Variants in SORCS2 observed in about 807,000 individuals in gnomAD.
The protein encoded by SORCS2 is sortilin related VPS10 domain containing receptor 2.
A neutral mutation model predicts 141.6 loss-of-function variants in SORCS2; 100 were observed. The observed-to-expected ratio is 0.71, with a 90% CI of 0.60 to 0.83. SORCS2 has a LOEUF of 0.83. SORCS2 is among the 40% of genes least tolerant of loss of function. The pLI, the probability that SORCS2 is intolerant of heterozygous loss-of-function variation, is 0.00. For synonymous variants in SORCS2, 789 were observed against 676.9 expected (o/e 1.17, Z -2.57); for missense variants, 1,646 against 1,560.2 (o/e 1.05, Z -0.93).
chr4:7,398,597 A>C (rs891545904), intron 2 of SORCS2, among the ~76,000 whole-genome samples: 9 of 152,120 alleles, frequency 5.9e-5, no homozygotes, highest in African/African-American at 2.2e-4. Context: ...CATCGGAGCA[A>C]TTACTTTCTT....
At chr4:7,362,942 C>T (rs1229266760) in intron 1 of SORCS2, among the ~76,000 whole-genome samples, 2 of 44,906 alleles carry the variant, frequency 4.5e-5, no homozygotes, top group African/African-American at 8.9e-5. Context: ...TTACTACCAA[C>T]ATCACCATCA....
chr4:7,310,495 C>T (rs114771990), intron 1 of SORCS2: 1,813 of 154,336 alleles, frequency 0.012, 40 homozygotes, highest in African/African-American at 0.04. Context: ...TACAAAAGAC[C>T]AACTCACGAA....
intron 1 of SORCS2, among the ~76,000 whole-genome samples, chr4:7,382,575 G>C (rs1723054793): frequency 6.6e-6 from 1 of 152,192 alleles, no homozygotes; most frequent in Non-Finnish European, 1.5e-5. Flanking sequence ...AAAGGGGGTA[G>C]AAAATGATGC....
At chr4:7,261,820 G>A (rs1015240029) in intron 1 of SORCS2, among the ~76,000 whole-genome samples, 1 of 152,178 alleles carries the variant, frequency 6.6e-6, no homozygotes, top group East Asian at 1.9e-4. Flanking sequence ...CTGGGGAAGG[G>A]GCCCTGTGGG....
At chr4:7,298,717 C>T (rs1206981285) in intron 1 of SORCS2, among the ~76,000 whole-genome samples, 4 of 152,178 alleles carry the variant, frequency 2.6e-5, no homozygotes, top group East Asian at 1.9e-4. Flanking sequence ...GTATAGGGAG[C>T]GGGGCTCATG....
intron 1 of SORCS2, among the ~76,000 whole-genome samples, chr4:7,337,437 A>G (rs78970067): frequency 0.01 from 1,554 of 152,274 alleles, 14 homozygotes; most frequent in Non-Finnish European, 0.015. Context: ...GGCGACCTTC[A>G]GACTCATACT....
intron 1 of SORCS2, among the ~76,000 whole-genome samples, chr4:7,247,049 AAG>A (rs1466244459): frequency 6.6e-6 from 1 of 152,174 alleles, no homozygotes; most frequent in Non-Finnish European, 1.5e-5. Context: ...ATAACAAGCC[AAG>A]GTGAGAAGGC....
chr4:7,308,120 G>T (rs912301166), intron 1 of SORCS2, among the ~76,000 whole-genome samples: 1 of 152,170 alleles, frequency 6.6e-6, no homozygotes, highest in Non-Finnish European at 1.5e-5. Context: ...AGTCAGAGGT[G>T]TTGGGAGCCT....
In SORCS2 at chr4:7,303,497, T is replaced by A. The variant is rs533024162; in HGVS notation, c.481-92791T>A. 1.2e-4 allele frequency among the ~76,000 whole-genome samples: 19 copies of A among 152,344 alleles called. No homozygotes were observed. The South Asian group carries it at 3.5e-3, about 28-fold the overall frequency. On this transcript the variant is annotated intron_variant, in intron 1 of 26. Coordinates refer to ENST00000507866, the MANE Select transcript of SORCS2 (RefSeq NM_020777.3). ...TGAACTGACTTCATTTGACATGCAA[T>A]CAAATTCTCCAGGTCAACTCTGGTT...
chr4:7,388,426 G>A (rs1047439111), intron 1 of SORCS2, among the ~76,000 whole-genome samples: 1 of 152,158 alleles, frequency 6.6e-6, no homozygotes, highest in Non-Finnish European at 1.5e-5. Flanking sequence ...TTGAAAGGAG[G>A]AGTCTTCTTT....
At chr4:7,514,477 C>T (rs528564271) in intron 2 of SORCS2, among the ~76,000 whole-genome samples, 8 of 151,816 alleles carry the variant, frequency 5.3e-5, no homozygotes, top group African/African-American at 1.2e-4. Flanking sequence ...TGTCAGGTAG[C>T]GATATGTGCT....
chr4:7,366,922 C>T (rs1238786193), intron 1 of SORCS2, among the ~76,000 whole-genome samples: 2 of 152,218 alleles, frequency 1.3e-5, no homozygotes, highest in Non-Finnish European at 2.9e-5. Flanking sequence ...GTCAGGTGTA[C>T]TGAGTGCCTA....
At chr4:7,403,972 TATATATATATATATATATATATA>T (rs1265433989) in intron 2 of SORCS2, among the ~76,000 whole-genome samples, 2 of 5,006 alleles carry the variant, frequency 4.0e-4, no homozygotes, top group Non-Finnish European at 1.6e-3. Flanking sequence ...TATATATATA[TATATATATATATATATATATATA>T]TATTTTTTTT....
At chr4:7,397,862 C>T (rs535041719) in intron 2 of SORCS2, among the ~76,000 whole-genome samples, 3 of 152,166 alleles carry the variant, frequency 2.0e-5, no homozygotes, top group Non-Finnish European at 4.4e-5. Flanking sequence ...ATGGTCAAGT[C>T]TTCTTCCAGC....
At chr4:7,609,724 C>T (rs992262269) in intron 3 of SORCS2, among the ~76,000 whole-genome samples, 1 of 152,172 alleles carries the variant, frequency 6.6e-6, no homozygotes, top group African/African-American at 2.4e-5. Flanking sequence ...ACTGTTCAAG[C>T]CACCCACCCC....
intron 1 of SORCS2, among the ~76,000 whole-genome samples, chr4:7,274,951 G>A (rs530196312): frequency 9.9e-5 from 15 of 152,260 alleles, no homozygotes; most frequent in African/African-American, 2.2e-4. Flanking sequence ...CACAACACGC[G>A]CTCTGTGGGG....
At chr4:7,488,752 C>T (rs1004101773) in intron 2 of SORCS2, among the ~76,000 whole-genome samples, 2 of 152,232 alleles carry the variant, frequency 1.3e-5, no homozygotes, top group Non-Finnish European at 2.9e-5. Flanking sequence ...GCCCTATTGT[C>T]CGCAGTCAAA....
chr4:7,701,817 C>T (rs988774764), intron 12 of SORCS2, among the ~76,000 whole-genome samples: 2 of 152,172 alleles, frequency 1.3e-5, no homozygotes, highest in African/African-American at 4.8e-5. Context: ...GGAAGACGGG[C>T]GCAGATGCTT....
At chr4:7,267,660 G>A (rs146560426) in intron 1 of SORCS2, among the ~76,000 whole-genome samples, 4,322 of 152,252 alleles carry the variant, frequency 0.028, 209 homozygotes, top group African/African-American at 0.097. Context: ...GTAAAACCCC[G>A]TCTGTACTAA....
Sources: gnomAD v4.1 joint callset for allele counts (sites outside exome capture counted in the v4.1 genomes callset) on GRCh38, gnomAD v4.1.1 for gene constraint, MANE v1.5 for transcripts, NCBI Gene and HGNC (gene_info 2026-07-23, HGNC 2026-07-21) for gene names.